Variants in ASAP1 observed in about 807,000 individuals in gnomAD.
ASAP1 encodes ArfGAP with SH3 domain, ankyrin repeat and PH domain 1.
A neutral mutation model predicts 145.2 loss-of-function variants in ASAP1; 43 were observed. The observed-to-expected ratio is 0.30, with a 90% confidence interval of 0.23 to 0.38. The LOEUF (loss-of-function observed/expected upper bound fraction) is 0.38. ASAP1 is among the 10% of genes least tolerant of loss of function. ASAP1 has a pLI of 1.00. For missense variants in ASAP1, 1,018 were observed against 1,355.3 expected (o/e 0.75, Z 3.91); for synonymous variants, 546 against 515.5 (o/e 1.06, Z -0.80).
rs1040758943 is a variant in ASAP1 at position 130,073,702 on chromosome 8, G to A, written c.2701+2646C>T. Among the ~76,000 whole-genome samples the A allele has an allele frequency of 1.5e-4, 23 of 152,160 alleles. 1 individual carries two copies. Among genetic ancestry groups the A allele is most frequent in the African/African-American group, 5.1e-4 (21 of 41,430 alleles). On this transcript the variant is annotated intron_variant, in intron 27 of 29. Coordinates refer to ENST00000518721, the MANE Select transcript of ASAP1 (RefSeq NM_018482.4). The stretch of plus-strand genomic sequence containing the variant: ...AGGAAGACAGGGCTGAAGCTTAACC[G>A]CTGGCCCATCGGCTTGCAGAGGGAT...
intron 3 of ASAP1, among the ~76,000 whole-genome samples, chr8:130,276,761 C>CTCTCTCTCTCTCTCTCTCTCTCTCTCT (rs1554867225): frequency 7.8e-6 from 1 of 127,796 alleles, no homozygotes; most frequent in African/African-American, 3.4e-5. Context: ...CTCTCTCTCT[C>CTCTCTCTCTCTCTCTCTCTCTCTCTCT]CTCTAACAAA....
At chr8:130,347,767 G>C (rs934212970) in intron 3 of ASAP1, among the ~76,000 whole-genome samples, 1 of 152,206 alleles carries the variant, frequency 6.6e-6, no homozygotes, top group African/African-American at 2.4e-5. Flanking sequence ...CACCAATGTG[G>C]TGTAGGGCAC....
intron 1 of ASAP1, among the ~76,000 whole-genome samples, chr8:130,437,906 A>G (rs116016913): frequency 0.28 from 42,478 of 151,844 alleles, 6,104 homozygotes; most frequent in Non-Finnish European, 0.32. Context: ...CTGGAGGGAC[A>G]TACTTACTTT....
At chr8:130,092,174 A>T in intron 24 of ASAP1, 31 bp from the exon 25 acceptor site, 1 of 1,554,624 alleles carries the variant, frequency 6.4e-7, no homozygotes, top group Non-Finnish European at 8.6e-7. Context: ...GGGCAGGAAG[A>T]TTAATCCCAG....
intron 1 of ASAP1, among the ~76,000 whole-genome samples, chr8:130,413,301 C>T (rs1565295466): frequency 6.6e-6 from 1 of 152,210 alleles, no homozygotes; most frequent in Non-Finnish European, 1.5e-5. Flanking sequence ...CAGCCTCGCT[C>T]GAGCTCATTC....
intron 3 of ASAP1, among the ~76,000 whole-genome samples, chr8:130,280,071 G>A (rs1189496045): frequency 6.6e-6 from 1 of 152,198 alleles, no homozygotes; most frequent in African/African-American, 2.4e-5. Flanking sequence ...GAGATAGGCA[G>A]AGGTAGTGTT....
At chr8:130,353,891 GA>G (rs1425603500) in intron 3 of ASAP1, among the ~76,000 whole-genome samples, 1 of 151,628 alleles carries the variant, frequency 6.6e-6, no homozygotes, top group Non-Finnish European at 1.5e-5. Flanking sequence ...AAGGGAGTGA[GA>G]TTTTTTTTTT....
intron 24 of ASAP1, among the ~76,000 whole-genome samples, chr8:130,108,141 C>A (rs530587393): frequency 9.9e-5 from 15 of 152,210 alleles, no homozygotes; most frequent in African/African-American, 3.4e-4. Context: ...CCACACAGCA[C>A]GCTACTTTCG....
intron 2 of ASAP1, among the ~76,000 whole-genome samples, chr8:130,384,479 AG>A (rs1173291245): frequency 1.3e-5 from 2 of 151,974 alleles, no homozygotes; most frequent in African/African-American, 4.8e-5. Flanking sequence ...GGATTCAGGG[AG>A]GATAGTGTGT....
At chr8:130,216,550 G>A (rs1029650561) in intron 4 of ASAP1, among the ~76,000 whole-genome samples, 10 of 152,074 alleles carry the variant, frequency 6.6e-5, no homozygotes, top group African/African-American at 1.9e-4. Flanking sequence ...CTTGCCTCAC[G>A]ACTGGTCCTC....
intron 3 of ASAP1, among the ~76,000 whole-genome samples, chr8:130,288,756 T>C (rs1821771144): frequency 1.3e-5 from 2 of 152,252 alleles, no homozygotes; most frequent in Admixed American, 6.5e-5. Flanking sequence ...ATCTGGTCAA[T>C]GCAAGATGTT....
At chr8:130,159,022 C>T (rs990531871) in intron 12 of ASAP1, among the ~76,000 whole-genome samples, 1 of 151,984 alleles carries the variant, frequency 6.6e-6, no homozygotes, top group Non-Finnish European at 1.5e-5. Context: ...TGAGCCACCG[C>T]GCCCGGCTGT....
chr8:130,342,397 T>C (rs1825441564), intron 3 of ASAP1, among the ~76,000 whole-genome samples: 1 of 152,170 alleles, frequency 6.6e-6, no homozygotes, highest in Non-Finnish European at 1.5e-5. Flanking sequence ...TAAAATACCG[T>C]GGGTAAAGTA....
chr8:130,139,932 A>G (rs1237779127), intron 13 of ASAP1, among the ~76,000 whole-genome samples: 1 of 150,824 alleles, frequency 6.6e-6, no homozygotes, highest in Non-Finnish European at 1.5e-5. Context: ...TAAAAAAAAA[A>G]AAACAACAAA....
At chr8:130,170,108 T>C in intron 9 of ASAP1, among the ~76,000 whole-genome samples, 1 of 152,190 alleles carries the variant, frequency 6.6e-6, no homozygotes, top group East Asian at 1.9e-4. Flanking sequence ...ACCTTGAGCA[T>C]GAGGACTGTC....
intron 3 of ASAP1, among the ~76,000 whole-genome samples, chr8:130,330,124 G>A (rs923225358): frequency 1.3e-5 from 2 of 152,162 alleles, no homozygotes; most frequent in Non-Finnish European, 2.9e-5. Flanking sequence ...AACATAAAAG[G>A]CATTTAACAG....
chr8:130,258,235 T>C (rs1465096364), intron 3 of ASAP1, among the ~76,000 whole-genome samples: 1 of 152,128 alleles, frequency 6.6e-6, no homozygotes, highest in African/African-American at 2.4e-5. Context: ...GAAAAGTCAA[T>C]CGTCAACCAG....
intron 3 of ASAP1, among the ~76,000 whole-genome samples, chr8:130,334,227 A>G (rs567067007): frequency 3.7e-4 from 56 of 152,360 alleles, no homozygotes; most frequent in African/African-American, 1.3e-3. Context: ...TGAGGCACAC[A>G]TATAAAGAGG....
intron 5 of ASAP1, among the ~76,000 whole-genome samples, chr8:130,193,238 A>G (rs1815262611): frequency 6.6e-6 from 1 of 152,072 alleles, no homozygotes; most frequent in South Asian, 2.1e-4. Flanking sequence ...GCATGGTGGC[A>G]CACATCTATA....
Sources: gnomAD v4.1 joint callset for allele counts (sites outside exome capture counted in the v4.1 genomes callset) on GRCh38, gnomAD v4.1.1 for gene constraint, MANE v1.5 for transcripts, NCBI Gene and HGNC (gene_info 2026-07-23, HGNC 2026-07-21) for gene names.